The following ZNF804A variants were observed in gnomAD, a reference collection of about 807,000 sequenced individuals.
ZNF804A encodes zinc finger protein 804A.
In ZNF804A, 2 loss-of-function variants were observed where a neutral mutation model predicts 16.5. The ratio of observed to expected loss-of-function variants is 0.12; its 90% CI spans 0.05 to 0.38. ZNF804A has a LOEUF of 0.38. Ranked by LOEUF, ZNF804A falls within the 10% of genes least tolerant of loss-of-function variation. The probability of loss-of-function intolerance (pLI) is 0.99; values close to 1 mark genes in which losing one functional copy is unlikely to be tolerated. For synonymous variants in ZNF804A, 534 were observed against 489.6 expected (o/e 1.09, Z -1.20); for missense variants, 1,473 against 1,390.7 (o/e 1.06, Z -0.94).
intron 1 of ZNF804A, among the ~76,000 whole-genome samples, chr2:184,709,573 CAT>C (rs1265307952): frequency 1.3e-5 from 2 of 151,622 alleles, no homozygotes; most frequent in East Asian, 1.9e-4. Context: ...ACAGTTTGCA[CAT>C]GAGTGTAGAG....
At chr2:184,839,052 T>C (rs1032471384) in intron 1 of ZNF804A, among the ~76,000 whole-genome samples, 8 of 152,126 alleles carry the variant, frequency 5.3e-5, no homozygotes, top group African/African-American at 1.7e-4. Context: ...GTCTTCATTA[T>C]ATTATTCAAA....
chr2:184,912,223 T>A (rs1685370503), intron 2 of ZNF804A, among the ~76,000 whole-genome samples: 1 of 152,082 alleles, frequency 6.6e-6, no homozygotes, highest in African/African-American at 2.4e-5. Flanking sequence ...TTCTGAATAT[T>A]GCATGTAAAT....
intron 1 of ZNF804A, among the ~76,000 whole-genome samples, chr2:184,833,046 C>T (rs1284024705): frequency 6.6e-6 from 1 of 151,998 alleles, no homozygotes; most frequent in Admixed American, 6.6e-5. Context: ...CACATGCATA[C>T]TTAATTTCAT....
chr2:184,724,859 A>G (rs1693380759), intron 1 of ZNF804A, among the ~76,000 whole-genome samples: 1 of 151,790 alleles, frequency 6.6e-6, no homozygotes, highest in Non-Finnish European at 1.5e-5. Context: ...AAGCAGCAAT[A>G]GTAACATGTG....
At chr2:184,790,263 C>T (rs1304771037) in intron 1 of ZNF804A, among the ~76,000 whole-genome samples, 1 of 150,674 alleles carries the variant, frequency 6.6e-6, no homozygotes, top group East Asian at 1.9e-4. Flanking sequence ...TATGGCCAAT[C>T]ATATGGTCGA....
At chr2:184,758,141 G>T (rs924248514) in intron 1 of ZNF804A, among the ~76,000 whole-genome samples, 44 of 152,038 alleles carry the variant, frequency 2.9e-4, no homozygotes, top group Non-Finnish European at 1.5e-4. Flanking sequence ...CATCTCTTTT[G>T]CATATTGCCA....
At position 184,936,695 on chromosome 2, in the gene ZNF804A, A is replaced by T; in HGVS notation, c.1299A>T (p.Arg433Ser). ...EPFVPVLNKH[R>S]STVLQWPSEM... ...TTGTACCTGTCCTTAACAAACACAG[A>T]TCTACAGTTCTTCAGTGGCCATCAG... Residue 433 changes from arginine to serine, a missense_variant, in exon 4 of 4, where the codon AGA becomes AGT. Transcript: ENST00000302277. 6.2e-7 allele frequency: 1 copy of T among 1,613,760 alleles called. No homozygotes were observed. Among genetic ancestry groups the T allele is most frequent in the Non-Finnish European group, 8.5e-7 (1 of 1,179,862 alleles).
intron 1 of ZNF804A, among the ~76,000 whole-genome samples, chr2:184,765,662 A>G (rs1019618556): frequency 5.8e-5 from 8 of 138,016 alleles, no homozygotes; most frequent in Admixed American, 3.2e-4. Flanking sequence ...TCAGTCGGGG[A>G]GCTCAGCTTT....
chr2:184,933,114 T>C (rs978291330), intron 2 of ZNF804A, among the ~76,000 whole-genome samples: 1 of 147,018 alleles, frequency 6.8e-6, no homozygotes, highest in Non-Finnish European at 1.5e-5. Context: ...TTTACTTTCC[T>C]AATAAACTTT....
intron 1 of ZNF804A, among the ~76,000 whole-genome samples, chr2:184,653,803 G>A (rs558279775): frequency 6.6e-6 from 1 of 152,254 alleles, no homozygotes. Context: ...CCAGCAGTTT[G>A]GCTTTTAATG....
At chr2:184,739,544 C>T (rs1180589923) in intron 1 of ZNF804A, among the ~76,000 whole-genome samples, 1 of 152,104 alleles carries the variant, frequency 6.6e-6, no homozygotes, top group Admixed American at 6.5e-5. Context: ...CAGGTGCTCA[C>T]CACAAAGCCT....
intron 2 of ZNF804A, among the ~76,000 whole-genome samples, chr2:184,896,087 T>G (rs1261994262): frequency 6.6e-6 from 1 of 152,148 alleles, no homozygotes; most frequent in Non-Finnish European, 1.5e-5. Context: ...GTTTTTTTTC[T>G]GAAAATTTTT....
intron 2 of ZNF804A, among the ~76,000 whole-genome samples, chr2:184,926,672 C>A (rs536692660): frequency 2.1e-4 from 32 of 152,114 alleles, no homozygotes; most frequent in African/African-American, 7.7e-4. Context: ...TTTCCGGATC[C>A]TGTAGGTGTG....
intron 1 of ZNF804A, among the ~76,000 whole-genome samples, chr2:184,715,571 T>A (rs941546014): frequency 6.6e-6 from 1 of 151,960 alleles, no homozygotes; most frequent in African/African-American, 2.4e-5. Context: ...AATTTTTATT[T>A]TTTAATTCTG....
intron 1 of ZNF804A, among the ~76,000 whole-genome samples, chr2:184,784,807 A>G (rs1694422569): frequency 6.6e-6 from 1 of 151,998 alleles, no homozygotes; most frequent in East Asian, 1.9e-4. Flanking sequence ...AATATGATTC[A>G]TCCGAGGAAT....
Position 184,937,653 on chromosome 2 carries a change from G to A in ZNF804A, c.2257G>A (p.Ala753Thr). The change falls in exon 4 of 4, where the codon GCT (alanine) becomes ACT (threonine). Residue 753 changes from alanine (A) to threonine (T), a missense_variant. Coordinates refer to ENST00000302277, the MANE Select transcript of ZNF804A (RefSeq NM_194250.2). ...TATGAAACACATGAGTCAGAATCAG[G>A]CTGTTAAAAGAGGTTACAATTCTGT... ...NDMKHMSQNQ[A>T]VKRGYNSVMN... The A allele has an allele frequency of 1.2e-6, 2 of 1,613,952 alleles. No homozygotes were observed. Among genetic ancestry groups the A allele is most frequent in the Non-Finnish European group, 1.7e-6 (2 of 1,179,948 alleles).
At chr2:184,862,269 G>C (rs149722592) in intron 1 of ZNF804A, among the ~76,000 whole-genome samples, 10 of 152,308 alleles carry the variant, frequency 6.6e-5, no homozygotes, top group African/African-American at 2.4e-4. Context: ...AAAGAGAGGG[G>C]TCATGGAACG....
intron 2 of ZNF804A, among the ~76,000 whole-genome samples, chr2:184,916,301 G>A (rs567936083): frequency 6.6e-6 from 1 of 152,188 alleles, no homozygotes; most frequent in African/African-American, 2.4e-5. Flanking sequence ...ACTTGTGGTA[G>A]GGAAAACACT....
intron 2 of ZNF804A, among the ~76,000 whole-genome samples, chr2:184,898,053 T>C (rs926902594): frequency 1.3e-5 from 2 of 152,160 alleles, no homozygotes; most frequent in African/African-American, 4.8e-5. Context: ...GGTTAAAGAG[T>C]TCATTGTATA....
Sources: allele counts gnomAD v4.1 joint callset (sites outside exome capture counted in the v4.1 genomes callset), GRCh38; gene constraint gnomAD v4.1.1; transcripts MANE v1.5; gene names NCBI Gene and HGNC (gene_info 2026-07-23, HGNC 2026-07-21).